Variants in SALL3 observed in about 807,000 individuals in gnomAD.
SALL3 encodes sal-like protein 3.
SALL3 carries 25 observed loss-of-function variants against 66.2 expected under a neutral mutation model. The observed-to-expected ratio is 0.38, with a 90% confidence interval of 0.28 to 0.53. The LOEUF (loss-of-function observed/expected upper bound fraction) is 0.53, where lower values mean the gene tolerates loss of function less well. SALL3 is among the 20% of genes least tolerant of loss of function. SALL3 has a pLI of 0.85. For synonymous variants in SALL3, 1,152 were observed against 899.1 expected, an observed-to-expected ratio of 1.28 and a Z score of -5.03; for missense variants, 2,194 against 1,916.5, an observed-to-expected ratio of 1.14 and a Z score of -2.70.
At position 78,992,132 on chromosome 18, in the gene SALL3, CGAG is replaced by C; in HGVS notation, c.145_147del (p.Glu49del). The C allele has an allele frequency of 6.2e-7, 1 of 1,602,534 alleles. No homozygotes were observed. Among genetic ancestry groups the C allele is most frequent in the Non-Finnish European group, 8.5e-7 (1 of 1,175,662 alleles). On this transcript the variant is annotated inframe_deletion, in exon 2 of 3. Coordinates refer to ENST00000537592, the MANE Select transcript of SALL3 (RefSeq NM_171999.4). ...GCGGGCCCGAGAGCCGCAGCGGGGG[CGAG>C]GAGACCAGCGTGTGCGAGAAATGCT... is the stretch of plus-strand genomic sequence containing the variant.
chr18:78,980,316 G>C lies in SALL3; in HGVS notation c.42G>C (p.Ser14=). Residue 14 remains serine, a synonymous_variant, in exon 1 of 3, where the codon TCG becomes TCC. Coordinates refer to ENST00000537592, the MANE Select transcript of SALL3 (RefSeq NM_171999.4). ...RKQAKPQHLK[S]DEELLPPDGA... is the part of the protein sequence containing the mutation. ...AGGCCAAGCCCCAGCACCTCAAGTC[G>C]GACGAGGAGCTGCTGCCGCCTGACG... 7.0e-7 allele frequency: 1 copy of C among 1,437,748 alleles called. No homozygotes were observed. The allele number at this position is 1,437,748 out of a possible 1,614,324, so 89.1% of individuals were successfully genotyped here. A position where few individuals can be genotyped will look rare whatever the true frequency, so the allele number is the denominator to read the frequency against.
Position 78,993,308 on chromosome 18 carries a change from G to T in SALL3, c.1317G>T (p.Leu439=). ...GCGACAGCGCGCTCCAGATCCACCT[G>T]CGCTCGCACACAGGCGAGCGGCCCT... ...FGSDSALQIH[L]RSHTGERPFK... The change falls in exon 2 of 3, where the codon CTG becomes CTT. Residue 439 remains leucine (L), a synonymous_variant. Transcript: ENST00000537592. 1.2e-6 allele frequency: 2 copies of T among 1,612,020 alleles called. No individual in the cohort carries two copies. Among genetic ancestry groups the T allele is most frequent in the Non-Finnish European group, 1.7e-6 (2 of 1,179,816 alleles).
In SALL3 at chr18:78,993,934, C is replaced by T; in HGVS notation, c.1943C>T (p.Pro648Leu). The T allele has an allele frequency of 6.2e-7, 1 of 1,607,986 alleles. No homozygotes were observed. Among genetic ancestry groups the T allele is most frequent in the Non-Finnish European group, 8.5e-7 (1 of 1,177,784 alleles). The change falls in exon 2 of 3, where the codon CCG becomes CTG. Residue 648 changes from proline (P) to leucine (L), a missense_variant. Coordinates refer to ENST00000537592, the MANE Select transcript of SALL3 (RefSeq NM_171999.4). The stretch of plus-strand genomic sequence containing the variant: ...TCCGAGCAGTTCAAGGCCCAGTTTC[C>T]GTTCGGGGGGCTGCTAGACTCGATG... ...AVSEQFKAQF[P>L]FGGLLDSMQT...
At position 78,995,003 on chromosome 18, in the gene SALL3, A is replaced by G. The variant is rs2146219736; in HGVS notation, c.3012A>G (p.Pro1004=). ...IHYRSHTKER[P]FVCALCRRGC... is the part of the protein sequence containing the mutation. ...ACCGCAGCCATACTAAGGAGCGGCCATTCGTCTGCGCGCTCTGCAGGCGAG... is the reference window on the plus strand; with the variant it reads ...ACCGCAGCCATACTAAGGAGCGGCCGTTCGTCTGCGCGCTCTGCAGGCGAG... The change falls in exon 2 of 3, where the codon CCA becomes CCG. Residue 1004 remains proline (P), a synonymous_variant. Coordinates refer to ENST00000537592, the MANE Select transcript of SALL3 (RefSeq NM_171999.4). The G allele has an allele frequency of 5.6e-6, 9 of 1,613,880 alleles. No individual in the cohort carries two copies. Among genetic ancestry groups the G allele is most frequent in the Non-Finnish European group, 6.8e-6 (8 of 1,180,020 alleles).
Position 78,992,849 on chromosome 18 carries a change from C to A in SALL3, c.858C>A (p.Phe286Leu), listed in dbSNP as rs1261868803. 2 of 981,228 alleles carry A rather than the reference C, an allele frequency of 2.0e-6. No individual in the cohort carries two copies. Among genetic ancestry groups the A allele is most frequent in the South Asian group, 4.5e-5 (1 of 22,004 alleles). 60.8% of individuals were successfully genotyped at this position (981,228 alleles called of 1,614,324 possible). Residue 286 changes from phenylalanine to leucine, a missense_variant, in exon 2 of 3, where the codon TTC (phenylalanine) becomes TTA (leucine). Coordinates refer to ENST00000537592, the MANE Select transcript of SALL3 (RefSeq NM_171999.4). ...AGSGPAAPAA[F>L]EGAQPLSRPE... ...CGGGCCCCGCCGCCCCGGCCGCCTT[C>A]GAGGGCGCGCAGCCGCTGTCCCGGC...
In SALL3 at chr18:78,993,512, G is replaced by T; in HGVS notation, c.1521G>T (p.Lys507Asn). 2 of 1,601,874 alleles carry T rather than the reference G, an allele frequency of 1.2e-6. No homozygotes were observed. The highest frequency in any genetic ancestry group is 1.7e-6 in the Non-Finnish European group (2 of 1,176,190). ...IPYGMSLPPE[K>N]PVTTWLDSKP... ...ACGGCATGTCGCTGCCCCCCGAGAA[G>T]CCCGTGACCACCTGGCTGGACAGCA... Residue 507 changes from lysine to asparagine, a missense_variant, in exon 2 of 3, where the codon AAG (lysine) becomes AAT (asparagine). Transcript: ENST00000537592.
chr18:78,984,826 C>G (rs688895), intron 1 of SALL3, among the ~76,000 whole-genome samples: 151,597 of 152,362 alleles, frequency 0.99, 75,423 homozygotes, highest in Middle Eastern at 1. Flanking sequence ...AGGCGTTCTC[C>G]AGACTGAGAC....
Position 78,995,175 on chromosome 18 carries a change from A to C in SALL3, c.3184A>C (p.Lys1062Gln). The C allele has an allele frequency of 6.2e-7, 1 of 1,612,960 alleles. No homozygotes were observed. Among genetic ancestry groups the C allele is most frequent in the Non-Finnish European group, 8.5e-7 (1 of 1,180,010 alleles). Reference protein sequence around the residue: ...LISSAAPTMIKMEVNGHGKAM... With the variant: ...LISSAAPTMIQMEVNGHGKAM... ...CTCCAGCGCCGCACCCACCATGATC[A>C]AAATGGAAGTGAACGGTCACGGCAA... Residue 1062 changes from lysine to glutamine, a missense_variant, in exon 2 of 3, where the codon AAA becomes CAA. Physicochemically the swap from Lys to Gln is moderately conservative, Grantham distance 53 (BLOSUM62 1). Coordinates refer to ENST00000537592, the MANE Select transcript of SALL3 (RefSeq NM_171999.4).
chr18:78,990,132 C>G (rs1335441116), intron 1 of SALL3, among the ~76,000 whole-genome samples: 1 of 152,132 alleles, frequency 6.6e-6, no homozygotes, highest in East Asian at 1.9e-4. Flanking sequence ...ATACATTGAG[C>G]AAAGTTGAGT....
rs753939441 is a variant in SALL3 at position 78,996,947 on chromosome 18, G to A, written c.3528G>A (p.Leu1176=). The A allele has an allele frequency of 1.2e-6, 2 of 1,613,590 alleles. No homozygotes were observed. Among genetic ancestry groups the A allele is most frequent in the Middle Eastern group, 1.6e-4 (1 of 6,062 alleles). Residue 1176 remains leucine, a synonymous_variant, in exon 3 of 3, where the codon CTG becomes CTA. Coordinates refer to ENST00000537592, the MANE Select transcript of SALL3 (RefSeq NM_171999.4). ...CCCCCGCGAGACGCGGCCGCCGCCT[G>A]TCTGTGGAGAACCCCATGGCTCTCC... ...NNAPARRGRR[L]SVENPMALLG...
chr18:78,994,896 A>G lies in SALL3; in HGVS notation c.2905A>G (p.Arg969Gly), dbSNP rs1914630367. ...GCCCTTCAGCCTGCTGTTCCTGAGC[A>G]GGGAGCGGGGTAAGTGTCCCAGCAC... ...EAPFSLLFLS[R>G]ERGKCPSTVC... Residue 969 changes from arginine to glycine, a missense_variant, in exon 2 of 3, where the codon AGG (arginine) becomes GGG (glycine). By Grantham distance (125) the Arg-to-Gly change is moderately radical. Coordinates refer to ENST00000537592, the MANE Select transcript of SALL3 (RefSeq NM_171999.4). 6.2e-7 allele frequency: 1 copy of G among 1,612,398 alleles called. No homozygotes were observed. Among genetic ancestry groups the G allele is most frequent in the Non-Finnish European group, 8.5e-7 (1 of 1,179,528 alleles).
rs757062235 is a variant in SALL3 at position 78,993,630 on chromosome 18, AC to A, written c.1643del (p.Pro548GlnfsTer106). 2 of 1,577,498 alleles carry A rather than the reference AC, an allele frequency of 1.3e-6. No homozygotes were observed. The highest frequency in any genetic ancestry group is 2.3e-5 in the East Asian group (1 of 42,796). ...CGGCTACGCCGACTCTCCCAGCGCC[AC>A]CCCAGCCAGCCGCTCCCCGCAGAGG... ...AHGYADSPSA[T>X]PASRSPQRPS... On this transcript the variant is annotated frameshift_variant, in exon 2 of 3. Transcript: ENST00000537592. LOFTEE classifies it high-confidence loss of function.
At chr18:78,982,066 A>AT (rs1568288140) in intron 1 of SALL3, among the ~76,000 whole-genome samples, 1 of 152,216 alleles carries the variant, frequency 6.6e-6, no homozygotes, top group Non-Finnish European at 1.5e-5. Flanking sequence ...ATTAAAGCAT[A>AT]TTTTAATTAA....
At chr18:78,980,576 G>T (rs1223937108) in intron 1 of SALL3, among the ~76,000 whole-genome samples, 1 of 151,788 alleles carries the variant, frequency 6.6e-6, no homozygotes, top group Non-Finnish European at 1.5e-5. Context: ...AGTAAACTTG[G>T]CTCCTCTCCT....
rs767868844 is a variant in SALL3, at chr18:78,993,188, C to T, written c.1197C>T (p.Gly399=). The change falls in exon 2 of 3, where the codon GGC becomes GGT. Residue 399 remains glycine (G), a synonymous_variant. Transcript: ENST00000537592. ...CCGCGCTCATGAAGCACCGCAAGGG[C>T]AAGCCGCCCAATGTGTCGGTGTTCG... ...PLSALMKHRK[G]KPPNVSVFEP... 3.7e-6 allele frequency: 6 copies of T among 1,610,580 alleles called. No individual in the cohort carries two copies. In the East Asian group the frequency reaches 8.9e-5, roughly 24 times the overall value.
chr18:78,980,864 A>G (rs1012104807), intron 1 of SALL3, among the ~76,000 whole-genome samples: 2 of 152,090 alleles, frequency 1.3e-5, no homozygotes, highest in South Asian at 2.1e-4. Context: ...GCGGTGTCCC[A>G]GCGCGTTGAC....
Position 78,995,077 on chromosome 18 carries a change from T to G in SALL3, c.3086T>G (p.Leu1029Trp). The change falls in exon 2 of 3, where the codon TTG (leucine) becomes TGG (tryptophan). Residue 1029 changes from leucine to tryptophan, a missense_variant. By Grantham distance (61) the Leu-to-Trp change is moderately conservative. Transcript: ENST00000537592. ...AAACAGCACTTACTGACACACAGAT[T>G]GAAAGAGCTGCCTTCTCAGTTATTT... The part of the protein sequence containing the change: ...NLKQHLLTHR[L>W]KELPSQLFDP... The G allele has an allele frequency of 6.2e-7, 1 of 1,613,844 alleles. No individual in the cohort carries two copies. The highest frequency in any genetic ancestry group is 8.5e-7 in the Non-Finnish European group (1 of 1,180,020).
At position 78,995,297 on chromosome 18, in the gene SALL3, G is replaced by A. The variant is rs777301235; in HGVS notation, c.3306G>A (p.Leu1102=). 1.3e-6 allele frequency: 2 copies of A among 1,577,712 alleles called. No individual in the cohort carries two copies. Among genetic ancestry groups the A allele is most frequent in the Admixed American group, 1.8e-5 (1 of 56,074 alleles). Residue 1102 remains leucine (L), a synonymous_variant, in exon 2 of 3, where the codon CTG becomes CTA. Transcript: ENST00000537592. ...TVMGPGLAPM[L]APPPRRTPKQ... ...TGGGCCCGGGCCTGGCGCCCATGCTGGCCCCCCCACCGCGCCGGACGCCCA... is the reference window on the plus strand; with the variant it reads ...TGGGCCCGGGCCTGGCGCCCATGCTAGCCCCCCCACCGCGCCGGACGCCCA...
Position 78,992,984 on chromosome 18 carries a change from C to T in SALL3, c.993C>T (p.Ser331=), listed in dbSNP as rs1914517643. The T allele has an allele frequency of 2.1e-6, 3 of 1,437,438 alleles. No homozygotes were observed. The highest frequency in any genetic ancestry group is 2.9e-5 in the African/African-American group (2 of 68,576). The allele number at this position is 1,437,438 out of a possible 1,614,324, so 89.0% of individuals were successfully genotyped here. ...AAPAPAPAPQ[S]AASSQPQSAS... is the part of the protein sequence containing the mutation. ...CCGCCCCGGCGCCAGCGCCGCAGAG[C>T]GCAGCCTCGTCGCAGCCGCAGAGCG... Residue 331 remains serine (S), a synonymous_variant, in exon 2 of 3, where the codon AGC becomes AGT. Transcript: ENST00000537592.
Sources: gnomAD v4.1 joint callset for allele counts (sites outside exome capture counted in the v4.1 genomes callset) on GRCh38, gnomAD v4.1.1 for gene constraint, MANE v1.5 for transcripts, NCBI Gene and HGNC (gene_info 2026-07-23, HGNC 2026-07-21) for gene names.